The following CACNA1C variants were observed in gnomAD, a reference collection of about 807,000 sequenced individuals.
CACNA1C encodes voltage-dependent L-type calcium channel subunit alpha-1C.
In CACNA1C, 30 loss-of-function variants were observed where a neutral mutation model predicts 229.0. The observed-to-expected ratio is 0.13, with a 90% CI of 0.10 to 0.18. The LOEUF is 0.18. Ranked by LOEUF, CACNA1C falls within the 10% of genes least tolerant of loss-of-function variation. The probability of loss-of-function intolerance (pLI) is 1.00; values close to 1 mark genes in which losing one functional copy is unlikely to be tolerated. For synonymous variants in CACNA1C, 1,114 were observed against 1,132.5 expected (o/e 0.98, Z 0.33); for missense variants, 1,658 against 2,845.0 (o/e 0.58, Z 9.49).
chr12:2,635,179 C>G (rs908319588), intron 30 of CACNA1C, among the ~76,000 whole-genome samples: 1 of 152,110 alleles, frequency 6.6e-6, no homozygotes, highest in Non-Finnish European at 1.5e-5. Context: ...CCCCTGACCT[C>G]TCACACCCCT....
At position 2,479,143 on chromosome 12, in the gene CACNA1C, G is replaced by A. The variant is rs575014896; in HGVS notation, c.758-6961G>A. On this transcript the variant is annotated intron_variant, in intron 5 of 46. Transcript: ENST00000399655. This position sits in a 1 kb window ranked among gnomAD's most constrained non-coding sequence, Gnocchi z 4.3. The stretch of plus-strand genomic sequence containing the variant: ...AGGTTCAAGGGCAGTTATGGGGCTC[G>A]GTGGGCACAGTAAGGACAGTGCCCT... Among the ~76,000 whole-genome samples the A allele has an allele frequency of 5.9e-5, 9 of 152,030 alleles. No individual in the cohort carries two copies. Among genetic ancestry groups the A allele is most frequent in the Non-Finnish European group, 1.2e-4 (8 of 68,000 alleles).
chr12:2,437,271 G>A (rs2099143620), intron 3 of CACNA1C, among the ~76,000 whole-genome samples: 1 of 152,202 alleles, frequency 6.6e-6, no homozygotes, highest in South Asian at 2.1e-4. Flanking sequence ...GGGGAGGCCT[G>A]TGCAGCAGCC....
rs766344103 is a variant in CACNA1C at position 2,177,884 on chromosome 12, G to A, written c.477+57454G>A. On this transcript the variant is annotated intron_variant, in intron 3 of 46. Coordinates refer to ENST00000399655, the MANE Select transcript of CACNA1C (RefSeq NM_000719.7). ...ACTCCTGACCTCGGGTGATCCATCC[G>A]CCTCTGCCTCCCAAAGTGCTGGAAT... is the stretch of plus-strand genomic sequence containing the variant. 2.6e-5 allele frequency among the ~76,000 whole-genome samples: 4 copies of A among 152,000 alleles called. No homozygotes were observed. The East Asian group carries it at 5.8e-4, about 22-fold the overall frequency.
chr12:2,518,012 A>G (rs1409376603), intron 9 of CACNA1C, among the ~76,000 whole-genome samples: 1 of 152,260 alleles, frequency 6.6e-6, no homozygotes, highest in Non-Finnish European at 1.5e-5. Context: ...ACAGACAGAC[A>G]GTGGAACCAA....
intron 3 of CACNA1C, among the ~76,000 whole-genome samples, chr12:2,439,755 C>G (rs1400181949): frequency 6.6e-6 from 1 of 151,526 alleles, no homozygotes; most frequent in Non-Finnish European, 1.5e-5. Flanking sequence ...AGCAATGAAA[C>G]TAGCATACTT....
intron 1 of CACNA1C, among the ~76,000 whole-genome samples, chr12:2,042,838 A>C: frequency 6.6e-6 from 1 of 152,372 alleles, no homozygotes; most frequent in South Asian, 2.1e-4. Flanking sequence ...AAGATGTCCT[A>C]CACTACTCCA....
chr12:2,489,562 T>C (rs544819769), intron 6 of CACNA1C, among the ~76,000 whole-genome samples: 1 of 152,346 alleles, frequency 6.6e-6, no homozygotes, highest in East Asian at 1.9e-4. Flanking sequence ...TCACTCTGAA[T>C]AGCTTCCCAA....
At chr12:2,007,584 A>G (rs61908044) in intron 1 of CACNA1C, among the ~76,000 whole-genome samples, 19,127 of 152,258 alleles carry the variant, frequency 0.13, 1,439 homozygotes, top group Admixed American at 0.18. Context: ...TAAGATGAAG[A>G]TACCCTTACT....
intron 3 of CACNA1C, among the ~76,000 whole-genome samples, chr12:2,345,507 A>G (rs1031748982): frequency 1.3e-5 from 2 of 152,238 alleles, no homozygotes; most frequent in Admixed American, 6.5e-5. Flanking sequence ...ACTTTTACAA[A>G]TAACCCGGAA....
In CACNA1C at chr12:2,184,995, C is replaced by A. The variant is rs563586649; in HGVS notation, c.477+64565C>A. ...GAGCTAATATTTTTGGGGGGACAGG[C>A]CCTACTGGCAGCCATGGAATCTTAC... On this transcript the variant is annotated intron_variant, in intron 3 of 46. Coordinates refer to ENST00000399655, the MANE Select transcript of CACNA1C (RefSeq NM_000719.7). 2.1e-4 allele frequency among the ~76,000 whole-genome samples: 32 copies of A among 152,290 alleles called. No individual in the cohort carries two copies. The South Asian group carries it at 6.4e-3, about 31-fold the overall frequency.
intron 13 of CACNA1C, among the ~76,000 whole-genome samples, chr12:2,572,037 C>CT (rs5796014): frequency 1.2e-3 from 150 of 128,462 alleles, no homozygotes; most frequent in Admixed American, 1.1e-3. Context: ...AATTTCTTCT[C>CT]TTTTTTTTTT....
chr12:2,185,899 C>T (rs922816679), intron 3 of CACNA1C, among the ~76,000 whole-genome samples: 2 of 152,168 alleles, frequency 1.3e-5, no homozygotes, highest in Non-Finnish European at 2.9e-5. Flanking sequence ...TCTAGACTTC[C>T]TGCAGTCTCT....
intron 3 of CACNA1C, among the ~76,000 whole-genome samples, chr12:2,212,181 A>T (rs2097942246): frequency 6.6e-6 from 1 of 152,212 alleles, no homozygotes; most frequent in African/African-American, 2.4e-5. Context: ...GGTGAAACAA[A>T]GAATGAATTT....
Position 2,633,800 on chromosome 12 carries a change from A to C in CACNA1C, c.3829-497A>C, listed in dbSNP as rs1602982794. ...TCTCTCTCTCTCACTCTCTCTGTTT[A>C]CCTTCTTTTATGTTTTTTTTAATTT... is the stretch of plus-strand genomic sequence containing the variant. On this transcript the variant is annotated intron_variant, in intron 29 of 46. Transcript: ENST00000399655. This position sits in a 1 kb window ranked among gnomAD's most constrained non-coding sequence, Gnocchi z 5.8. 1 of 743,592 alleles carries C rather than the reference A, an allele frequency of 1.3e-6. No homozygotes were observed. Among genetic ancestry groups the C allele is most frequent in the South Asian group, 1.7e-5 (1 of 59,374 alleles). 46.1% of individuals were successfully genotyped at this position (743,592 alleles called of 1,614,324 possible).
At chr12:2,365,927 T>C (rs923618032) in intron 3 of CACNA1C, among the ~76,000 whole-genome samples, 1 of 152,198 alleles carries the variant, frequency 6.6e-6, no homozygotes, top group Non-Finnish European at 1.5e-5. Context: ...GATTGTTGAA[T>C]AAGATGTGAT....
chr12:2,331,002 A>G (rs2096529340), intron 3 of CACNA1C, among the ~76,000 whole-genome samples: 1 of 152,212 alleles, frequency 6.6e-6, no homozygotes, highest in Non-Finnish European at 1.5e-5. Flanking sequence ...CAGGAATAAA[A>G]GAGCAAACAA....
intron 11 of CACNA1C, among the ~76,000 whole-genome samples, chr12:2,562,993 C>G (rs979306479): frequency 2.0e-5 from 3 of 152,150 alleles, no homozygotes; most frequent in Non-Finnish European, 4.4e-5. Context: ...CATATTTATT[C>G]TATTTAACTA....
intron 1 of CACNA1C, among the ~76,000 whole-genome samples, chr12:1,979,832 T>C (rs2035586963): frequency 6.6e-6 from 1 of 152,254 alleles, no homozygotes. Flanking sequence ...TTATTTGGGC[T>C]TTAATCTGCA....
Position 2,224,575 on chromosome 12 carries a change from T to C in CACNA1C, c.477+104145T>C, listed in dbSNP as rs1027568040. The stretch of plus-strand genomic sequence containing the variant: ...TGTTAGTAGTAAGGGAAGAATGGGG[T>C]GGTGGGTCCAGAGTTGTGTGTTATA... On this transcript the variant is annotated intron_variant, in intron 3 of 46. Transcript: ENST00000399655. Among the ~76,000 whole-genome samples, 7 of 152,030 alleles carry C rather than the reference T, an allele frequency of 4.6e-5. No individual in the cohort carries two copies. In the East Asian group the frequency reaches 7.7e-4, roughly 17 times the overall value.
Sources: allele counts gnomAD v4.1 joint callset (sites outside exome capture counted in the v4.1 genomes callset), GRCh38; gene constraint gnomAD v4.1.1; non-coding constraint Gnocchi (gnomAD v3.1); transcripts MANE v1.5; gene names NCBI Gene and HGNC (gene_info 2026-07-23, HGNC 2026-07-21).